Variants in CNTNAP2 observed in about 807,000 individuals in gnomAD.
CNTNAP2 encodes the protein contactin-associated protein-like 2.
In CNTNAP2, 98 loss-of-function variants were observed where a neutral mutation model predicts 155.2. The observed-to-expected ratio is 0.63, with a 90% confidence interval of 0.54 to 0.75. The LOEUF (loss-of-function observed/expected upper bound fraction) is 0.75. CNTNAP2 is among the 30% of genes least tolerant of loss of function. CNTNAP2 has a pLI of 0.00. For missense variants in CNTNAP2, 1,727 were observed against 1,688.1 expected (o/e 1.02, Z -0.40); for synonymous variants, 651 against 631.2 (o/e 1.03, Z -0.47).
intron 13 of CNTNAP2, among the ~76,000 whole-genome samples, chr7:147,853,712 G>A (rs1798989662): frequency 6.6e-6 from 1 of 152,154 alleles, no homozygotes; most frequent in African/African-American, 2.4e-5. Flanking sequence ...TATATTAGCT[G>A]TTGGTTGGCA....
At chr7:146,375,517 T>C (rs2129103614) in intron 1 of CNTNAP2, among the ~76,000 whole-genome samples, 1 of 152,366 alleles carries the variant, frequency 6.6e-6, no homozygotes, top group East Asian at 1.9e-4. Context: ...CCTAGCCTTA[T>C]GGTCCTATGA....
At chr7:146,753,144 T>C (rs1445776763) in intron 1 of CNTNAP2, among the ~76,000 whole-genome samples, 4 of 152,154 alleles carry the variant, frequency 2.6e-5, no homozygotes, top group Non-Finnish European at 5.9e-5. Context: ...ATTTAGGGCA[T>C]TGTTATGCAA....
chr7:147,487,112 T>C (rs1440129313), intron 11 of CNTNAP2, among the ~76,000 whole-genome samples: 1 of 152,162 alleles, frequency 6.6e-6, no homozygotes, highest in Non-Finnish European at 1.5e-5. Flanking sequence ...AGCCTTTCCA[T>C]TGTGTTATTT....
intron 1 of CNTNAP2, among the ~76,000 whole-genome samples, chr7:146,623,929 AGTTTTGTGGAT>A (rs766948544): frequency 6.4e-4 from 97 of 152,260 alleles, no homozygotes; most frequent in Non-Finnish European, 5.6e-4. Context: ...TAATATTCTT[AGTTTTGTGGAT>A]GTTCGCCATT....
At chr7:147,267,970 G>A (rs1210248856) in intron 8 of CNTNAP2, among the ~76,000 whole-genome samples, 1 of 152,126 alleles carries the variant, frequency 6.6e-6, no homozygotes, top group Non-Finnish European at 1.5e-5. Flanking sequence ...TGTGGTTGTG[G>A]TGAGAAGCAG....
intron 3 of CNTNAP2, among the ~76,000 whole-genome samples, chr7:146,997,637 C>A (rs1000566265): frequency 5.9e-5 from 9 of 151,998 alleles, no homozygotes; most frequent in African/African-American, 2.2e-4. Context: ...GATATTAGTT[C>A]TTTAAATGTC....
chr7:146,248,747 A>AAAG (rs545623489), intron 1 of CNTNAP2, among the ~76,000 whole-genome samples: 45 of 152,148 alleles, frequency 3.0e-4, no homozygotes, highest in Non-Finnish European at 5.7e-4. Context: ...TCTCACGAGC[A>AAAG]AAGAACAGGA....
intron 8 of CNTNAP2, among the ~76,000 whole-genome samples, chr7:147,211,140 A>G (rs1248473506): frequency 1.3e-5 from 2 of 151,802 alleles, no homozygotes; most frequent in Non-Finnish European, 2.9e-5. Flanking sequence ...GTATGTGTCT[A>G]CTAGGTCCAA....
At chr7:148,245,866 C>T (rs566687686) in intron 20 of CNTNAP2, among the ~76,000 whole-genome samples, 1 of 152,286 alleles carries the variant, frequency 6.6e-6, no homozygotes, top group African/African-American at 2.4e-5. Context: ...TCCATCATCT[C>T]CCTTCACTTC....
chr7:147,196,111 A>C (rs1802794066), intron 8 of CNTNAP2, among the ~76,000 whole-genome samples: 1 of 152,188 alleles, frequency 6.6e-6, no homozygotes, highest in Admixed American at 6.5e-5. Context: ...TTACCATCTA[A>C]AAGGCAAGGA....
At chr7:147,909,745 G>A (rs144021356) in intron 14 of CNTNAP2, among the ~76,000 whole-genome samples, 2,636 of 152,218 alleles carry the variant, frequency 0.017, 44 homozygotes, top group Non-Finnish European at 0.023. Flanking sequence ...TTAGCAATTC[G>A]AAAATGAAAT....
chr7:147,902,067 C>G (rs1430233091), intron 13 of CNTNAP2, among the ~76,000 whole-genome samples: 1 of 152,172 alleles, frequency 6.6e-6, no homozygotes, highest in Non-Finnish European at 1.5e-5. Flanking sequence ...AAAGCATGAC[C>G]AGTCACGAGA....
At chr7:146,548,073 C>A (rs943424579) in intron 1 of CNTNAP2, among the ~76,000 whole-genome samples, 3 of 151,746 alleles carry the variant, frequency 2.0e-5, no homozygotes, top group Non-Finnish European at 4.4e-5. Context: ...AGGTATTAAA[C>A]CTGGTACTCA....
chr7:146,197,261 GACAAA>G (rs1196941365), intron 1 of CNTNAP2, among the ~76,000 whole-genome samples: 2 of 152,054 alleles, frequency 1.3e-5, no homozygotes, highest in African/African-American at 4.8e-5. Context: ...TATCACAAAA[GACAAA>G]ACAAAGGAAT....
intron 10 of CNTNAP2, among the ~76,000 whole-genome samples, chr7:147,416,972 C>T (rs1352664762): frequency 6.6e-6 from 1 of 151,748 alleles, no homozygotes. Flanking sequence ...ACCTATAATC[C>T]CAGCTACTCA....
intron 14 of CNTNAP2, among the ~76,000 whole-genome samples, chr7:147,960,917 C>T (rs369649775): frequency 1.3e-5 from 2 of 151,984 alleles, no homozygotes; most frequent in Non-Finnish European, 2.9e-5. Flanking sequence ...TAAGTAGAAG[C>T]CTGCATGCAG....
rs113760623 is a variant in CNTNAP2, at chr7:146,473,119, C to G, written c.98-301152C>G. Among the ~76,000 whole-genome samples, 911 of 151,968 alleles carry G rather than the reference C, an allele frequency of 6.0e-3. 9 individuals are homozygous for G. Among genetic ancestry groups the G allele is most frequent in the African/African-American group, 0.02 (839 of 41,434 alleles). On this transcript the variant is annotated intron_variant, in intron 1 of 23. Coordinates refer to ENST00000361727, the MANE Select transcript of CNTNAP2 (RefSeq NM_014141.6). ...CTACACCTTAATCATGAGAGTTGTC[C>G]GTGATCTAGCATCTCTGAAGGAACG... is the stretch of plus-strand genomic sequence containing the variant.
At chr7:146,613,253 T>C (rs1412918335) in intron 1 of CNTNAP2, among the ~76,000 whole-genome samples, 1 of 152,192 alleles carries the variant, frequency 6.6e-6, no homozygotes, top group Non-Finnish European at 1.5e-5. Context: ...GTCATCATTG[T>C]GGCCACACAA....
intron 1 of CNTNAP2, among the ~76,000 whole-genome samples, chr7:146,367,259 G>A (rs538495690): frequency 6.6e-6 from 1 of 152,020 alleles, no homozygotes; most frequent in Non-Finnish European, 1.5e-5. Flanking sequence ...AAAATACCAT[G>A]GGGTAATTAT....
Sources: allele counts gnomAD v4.1 joint callset (sites outside exome capture counted in the v4.1 genomes callset), GRCh38; gene constraint gnomAD v4.1.1; transcripts MANE v1.5; gene names NCBI Gene and HGNC (gene_info 2026-07-23, HGNC 2026-07-21).